CSMD3: variants seen among roughly 807,000 people sequenced by gnomAD.
The protein encoded by CSMD3 is CUB and sushi domain-containing protein 3.
In CSMD3, 177 loss-of-function variants were observed where a neutral mutation model predicts 435.2. That is an observed-to-expected ratio of 0.41 (90% confidence interval 0.36 to 0.46). CSMD3 has a LOEUF of 0.46. CSMD3 is among the 20% of genes least tolerant of loss of function. The probability of loss-of-function intolerance (pLI) is 0.34; values close to 1 mark genes in which losing one functional copy is unlikely to be tolerated. For missense variants in CSMD3, 4,265 were observed against 4,504.6 expected (o/e 0.95, Z 1.52); for synonymous variants, 1,656 against 1,520.5 (o/e 1.09, Z -2.07).
chr8:112,999,159 T>C (rs2085767232), intron 6 of CSMD3, among the ~76,000 whole-genome samples: 1 of 151,770 alleles, frequency 6.6e-6, no homozygotes, highest in Non-Finnish European at 1.5e-5. Flanking sequence ...CCTGTCTTTA[T>C]GAGGCTTTTA....
chr8:112,961,853 C>T (rs1035569149), intron 7 of CSMD3, among the ~76,000 whole-genome samples: 1 of 151,872 alleles, frequency 6.6e-6, no homozygotes, highest in Non-Finnish European at 1.5e-5. Context: ...ACAGCAGATG[C>T]ACCTGCAATG....
intron 27 of CSMD3, among the ~76,000 whole-genome samples, chr8:112,535,932 T>C (rs1826031769): frequency 4.6e-5 from 7 of 152,174 alleles, no homozygotes; most frequent in Admixed American, 4.6e-4. Flanking sequence ...AAGGATTCCC[T>C]ATTTAATAAA....
chr8:112,914,150 C>T (rs1475399019), intron 10 of CSMD3, among the ~76,000 whole-genome samples: 1 of 151,816 alleles, frequency 6.6e-6, no homozygotes, highest in African/African-American at 2.4e-5. Flanking sequence ...ATTTTCATGT[C>T]CAATGAAATT....
intron 4 of CSMD3, among the ~76,000 whole-genome samples, chr8:113,107,608 C>T (rs868196432): frequency 1.6e-4 from 25 of 152,164 alleles, no homozygotes; most frequent in Admixed American, 1.5e-3. Flanking sequence ...GGATGTGGAA[C>T]CCTCTGATAG....
intron 10 of CSMD3, among the ~76,000 whole-genome samples, chr8:112,900,857 T>C (rs2082093293): frequency 6.6e-6 from 1 of 151,252 alleles, no homozygotes; most frequent in Non-Finnish European, 1.5e-5. Flanking sequence ...ACTTTATTGC[T>C]GTTAATGAGG....
At chr8:113,019,623 T>C (rs1482153737) in intron 5 of CSMD3, among the ~76,000 whole-genome samples, 2 of 150,936 alleles carry the variant, frequency 1.3e-5, no homozygotes, top group Non-Finnish European at 3.0e-5. Flanking sequence ...CTGATGGTGC[T>C]AGTCAACGTG....
At chr8:112,419,078 G>C (rs765947486) in intron 32 of CSMD3, among the ~76,000 whole-genome samples, 1 of 152,022 alleles carries the variant, frequency 6.6e-6, no homozygotes, top group Non-Finnish European at 1.5e-5. Context: ...GGATGATTAG[G>C]GATACTTGAC....
chr8:112,964,482 G>A (rs973333692), intron 7 of CSMD3, among the ~76,000 whole-genome samples: 4 of 151,776 alleles, frequency 2.6e-5, no homozygotes, highest in South Asian at 2.1e-4. Context: ...GTATAACCCC[G>A]TGGCCTGAAG....
intron 32 of CSMD3, among the ~76,000 whole-genome samples, chr8:112,444,360 G>A (rs962340366): frequency 6.6e-6 from 1 of 152,168 alleles, no homozygotes; most frequent in African/African-American, 2.4e-5. Context: ...CGTAGGTATT[G>A]ACTGAAGAGA....
intron 54 of CSMD3, among the ~76,000 whole-genome samples, 160 bp from the exon 55 acceptor site, chr8:112,292,870 T>C (rs1489878704): frequency 9.2e-5 from 14 of 152,272 alleles, no homozygotes; most frequent in Non-Finnish European, 1.5e-5. Flanking sequence ...CTAATGTAGA[T>C]GAACAAAGTA....
At chr8:112,986,859 A>G (rs2085273356) in intron 6 of CSMD3, among the ~76,000 whole-genome samples, 1 of 152,048 alleles carries the variant, frequency 6.6e-6, no homozygotes, top group Non-Finnish European at 1.5e-5. Context: ...TTCAGGTAAT[A>G]GAAAATATAA....
intron 23 of CSMD3, among the ~76,000 whole-genome samples, chr8:112,586,119 G>A (rs1025017454): frequency 4.0e-5 from 6 of 151,428 alleles, no homozygotes; most frequent in African/African-American, 1.5e-4. Flanking sequence ...GTGTTAGAGA[G>A]CCATCAATTA....
At chr8:112,807,130 T>C (rs1460250955) in intron 12 of CSMD3, among the ~76,000 whole-genome samples, 1 of 152,162 alleles carries the variant, frequency 6.6e-6, no homozygotes, top group Non-Finnish European at 1.5e-5. Context: ...TCCCATGAGT[T>C]ACCTAGTAAA....
intron 1 of CSMD3, among the ~76,000 whole-genome samples, chr8:113,355,279 C>T (rs2094214701): frequency 6.6e-6 from 1 of 151,826 alleles, no homozygotes; most frequent in African/African-American, 2.4e-5. Context: ...AACACACACA[C>T]ACATATATAT....
intron 24 of CSMD3, among the ~76,000 whole-genome samples, chr8:112,566,152 A>T (rs138253340): frequency 6.6e-6 from 1 of 152,070 alleles, no homozygotes; most frequent in East Asian, 1.9e-4. Flanking sequence ...TGAAAAACTC[A>T]AATCTTGAGT....
At chr8:113,239,365 T>G (rs2093186104) in intron 3 of CSMD3, among the ~76,000 whole-genome samples, 1 of 152,150 alleles carries the variant, frequency 6.6e-6, no homozygotes, top group African/African-American at 2.4e-5. Context: ...TGTCTATTTT[T>G]AATTTTGCAT....
chr8:113,136,984 T>C lies in CSMD3; in HGVS notation c.709+36738A>G, dbSNP rs75530419. 3.5e-3 allele frequency among the ~76,000 whole-genome samples: 529 copies of C among 151,744 alleles called. 4 individuals are homozygous for C. Among genetic ancestry groups the C allele is most frequent in the African/African-American group, 0.012 (515 of 41,480 alleles). On this transcript the variant is annotated intron_variant, in intron 4 of 70. Transcript: ENST00000297405. ...ATTTACACAGAAATAAATTTGTGTA[T>C]AGATATTGAGAAAGTTTAGTAGGTT...
At chr8:112,963,841 G>A (rs182491359) in intron 7 of CSMD3, among the ~76,000 whole-genome samples, 3 of 151,852 alleles carry the variant, frequency 2.0e-5, no homozygotes, top group South Asian at 2.1e-4. Flanking sequence ...GTATATATTC[G>A]TATCCAATAT....
chr8:113,331,445 C>T (rs2094026976), intron 1 of CSMD3, among the ~76,000 whole-genome samples: 1 of 151,692 alleles, frequency 6.6e-6, no homozygotes, highest in South Asian at 2.1e-4. Flanking sequence ...TAAAGACCAT[C>T]TTGCTCTGAT....
Sources: gnomAD v4.1 joint callset for allele counts (sites outside exome capture counted in the v4.1 genomes callset) on GRCh38, gnomAD v4.1.1 for gene constraint, MANE v1.5 for transcripts, NCBI Gene and HGNC (gene_info 2026-07-23, HGNC 2026-07-21) for gene names.